Variants in FLRT2 observed in about 807,000 individuals in gnomAD.
FLRT2 encodes fibronectin leucine rich transmembrane protein 2, also known as leucine-rich repeat transmembrane protein FLRT2.
Under a neutral mutation model 40.0 loss-of-function variants are expected in FLRT2, and 15 were observed. That is an observed-to-expected ratio of 0.38 (90% CI 0.25 to 0.58). The LOEUF is 0.58. Among genes scored for constraint, FLRT2 ranks in the 20% least tolerant of loss-of-function variants. FLRT2 has a pLI of 0.71. For missense variants in FLRT2, 726 were observed against 840.0 expected (o/e 0.86, Z 1.68); for synonymous variants, 380 against 336.8 (o/e 1.13, Z -1.41).
intron 1 of FLRT2, among the ~76,000 whole-genome samples, chr14:85,573,073 T>C (rs548028583): frequency 6.6e-6 from 1 of 152,288 alleles, no homozygotes; most frequent in East Asian, 1.9e-4. Flanking sequence ...ATTTTGGGCA[T>C]AGAACTGGGT....
chr14:85,538,647 C>G (rs1046045576), intron 1 of FLRT2, among the ~76,000 whole-genome samples: 3 of 152,024 alleles, frequency 2.0e-5, no homozygotes, highest in African/African-American at 4.8e-5. Context: ...GGATTTCAAC[C>G]CACTGAAAAA....
At position 85,546,055 on chromosome 14, in the gene FLRT2, G is replaced by A. The variant is rs373636631; in HGVS notation, c.-377+15521G>A. On this transcript the variant is annotated intron_variant, in intron 1 of 1. Coordinates refer to ENST00000330753, the MANE Select transcript of FLRT2 (RefSeq NM_013231.6). ...TGAAAAAATGATGAGAGATGGGCTC[G>A]GAAAGGCTTGTTCCACATTGATGAA... Among the ~76,000 whole-genome samples, 33 of 152,248 alleles carry A rather than the reference G, an allele frequency of 2.2e-4. 1 individual carries two copies. In the East Asian group the frequency reaches 4.8e-3, roughly 22 times the overall value.
intron 1 of FLRT2, among the ~76,000 whole-genome samples, chr14:85,547,582 A>G (rs1173455101): frequency 1.3e-5 from 2 of 152,036 alleles, no homozygotes; most frequent in Non-Finnish European, 2.9e-5. Context: ...TTGACCTCCC[A>G]AAGTGCTGGG....
At chr14:85,582,367 T>G (rs922720576) in intron 1 of FLRT2, among the ~76,000 whole-genome samples, 1 of 152,234 alleles carries the variant, frequency 6.6e-6, no homozygotes, top group African/African-American at 2.4e-5. Flanking sequence ...TAGAAATTAC[T>G]TGTTCAATAA....
At chr14:85,607,156 T>G (rs1892660096) in intron 1 of FLRT2, among the ~76,000 whole-genome samples, 1 of 151,878 alleles carries the variant, frequency 6.6e-6, no homozygotes, top group Admixed American at 6.6e-5. Flanking sequence ...TTATAGATGA[T>G]TGCGTTTTTG....
intron 1 of FLRT2, among the ~76,000 whole-genome samples, chr14:85,612,892 C>T (rs1432846512): frequency 2.0e-5 from 3 of 152,238 alleles, no homozygotes; most frequent in East Asian, 1.9e-4. Context: ...TCAATATCTT[C>T]GACCGAAATG....
rs912083350 is a variant in FLRT2, at chr14:85,625,913, G to A, written c.*2416G>A. 6 of 167,046 alleles carry A rather than the reference G, an allele frequency of 3.6e-5. No homozygotes were observed. Among genetic ancestry groups the A allele is most frequent in the African/African-American group, 1.2e-4 (5 of 41,426 alleles). 10.3% of individuals were successfully genotyped at this position (167,046 alleles called of 1,614,324 possible). The stretch of plus-strand genomic sequence containing the variant: ...TGGCTGCTGAAACCACTTTGGGCCA[G>A]GAAGAACAAGGATGAAGAGGTTCCT... On this transcript the variant is annotated 3_prime_UTR_variant, in exon 2 of 2. Coordinates refer to ENST00000330753, the MANE Select transcript of FLRT2 (RefSeq NM_013231.6).
At chr14:85,557,050 T>C (rs1472998406) in intron 1 of FLRT2, among the ~76,000 whole-genome samples, 1 of 152,150 alleles carries the variant, frequency 6.6e-6, no homozygotes. Flanking sequence ...ACAAGAACAG[T>C]ATGGGGGAAA....
At chr14:85,570,177 T>C (rs935860024) in intron 1 of FLRT2, among the ~76,000 whole-genome samples, 1 of 152,236 alleles carries the variant, frequency 6.6e-6, no homozygotes, top group African/African-American at 2.4e-5. Context: ...AAATGTTCTC[T>C]GGTTCCTTGT....
At chr14:85,613,424 T>G (rs903859405) in intron 1 of FLRT2, among the ~76,000 whole-genome samples, 1 of 152,166 alleles carries the variant, frequency 6.6e-6, no homozygotes, top group Non-Finnish European at 1.5e-5. Flanking sequence ...TTTACAAAGG[T>G]CATCTAGTTT....
intron 1 of FLRT2, among the ~76,000 whole-genome samples, chr14:85,614,216 T>G (rs924021443): frequency 6.6e-6 from 1 of 152,148 alleles, no homozygotes; most frequent in Admixed American, 6.6e-5. Context: ...GCTGTTCAGG[T>G]CCTCTGTCTC....
chr14:85,559,333 A>G (rs1247143427), intron 1 of FLRT2: 1 of 152,216 alleles, frequency 6.6e-6, no homozygotes, highest in African/African-American at 2.4e-5. Context: ...AGACTCCAGG[A>G]GGTGATGGAT....
intron 1 of FLRT2, among the ~76,000 whole-genome samples, chr14:85,602,548 G>C (rs1892423471): frequency 6.6e-6 from 1 of 152,198 alleles, no homozygotes; most frequent in African/African-American, 2.4e-5. Flanking sequence ...AGCTTTCAAA[G>C]CCAGAGTAGC....
chr14:85,566,631 AT>A (rs1890633412), intron 1 of FLRT2, among the ~76,000 whole-genome samples: 1 of 151,562 alleles, frequency 6.6e-6, no homozygotes, highest in South Asian at 2.1e-4. Flanking sequence ...AAAATGCAAT[AT>A]TTCGTATTCT....
At chr14:85,547,679 A>G (rs929848799) in intron 1 of FLRT2, among the ~76,000 whole-genome samples, 2 of 152,134 alleles carry the variant, frequency 1.3e-5, no homozygotes, top group African/African-American at 2.4e-5. Flanking sequence ...CACAAGTCTG[A>G]GACAGGTCTC....
chr14:85,530,746 G>C (rs1888223788), intron 1 of FLRT2, among the ~76,000 whole-genome samples: 1 of 152,072 alleles, frequency 6.6e-6, no homozygotes, highest in Non-Finnish European at 1.5e-5. Flanking sequence ...TCTGCTGGTC[G>C]AATCCACCTC....
chr14:85,544,318 C>G (rs1002906962), intron 1 of FLRT2, among the ~76,000 whole-genome samples: 1 of 152,184 alleles, frequency 6.6e-6, no homozygotes, highest in African/African-American at 2.4e-5. Flanking sequence ...GATGATACAC[C>G]TTTCTTGGCA....
chr14:85,607,160 G>A (rs1233747292), intron 1 of FLRT2, among the ~76,000 whole-genome samples: 2 of 151,802 alleles, frequency 1.3e-5, no homozygotes, highest in Non-Finnish European at 2.9e-5. Context: ...AGATGATTGC[G>A]TTTTTGCTCA....
chr14:85,644,494 A>C lies in FLRT2; in HGVS notation c.*20997A>C, dbSNP rs1172509305. On this transcript the variant is annotated 3_prime_UTR_variant, in exon 2 of 2. Coordinates refer to ENST00000330753, the MANE Select transcript of FLRT2 (RefSeq NM_013231.6). ...ACTGAAGTGGAAGAACTGGAAGGAA[A>C]AGATAACCTAGAAACTCAGTAATTC... The C allele has an allele frequency of 6.6e-6, 1 of 152,198 alleles. No homozygotes were observed. 9.4% of individuals were successfully genotyped at this position (152,198 alleles called of 1,614,324 possible).
Sources: allele counts gnomAD v4.1 joint callset (sites outside exome capture counted in the v4.1 genomes callset), GRCh38; gene constraint gnomAD v4.1.1; transcripts MANE v1.5; gene names NCBI Gene and HGNC (gene_info 2026-07-23, HGNC 2026-07-21).